Variants in CYFIP2 observed in about 807,000 individuals in gnomAD.
CYFIP2 encodes the protein cytoplasmic FMR1-interacting protein 2.
In CYFIP2, 29 loss-of-function variants were observed where a neutral mutation model predicts 158.7. The ratio of observed to expected loss-of-function variants is 0.18; its 90% confidence interval spans 0.14 to 0.25. The LOEUF is 0.25. Ranked by LOEUF, CYFIP2 falls within the 10% of genes least tolerant of loss-of-function variation. The probability of loss-of-function intolerance (pLI) is 1.00; values close to 1 mark genes in which losing one functional copy is unlikely to be tolerated. For synonymous variants in CYFIP2, 585 were observed against 617.6 expected (o/e 0.95, Z 0.78); for missense variants, 852 against 1,639.5 (o/e 0.52, Z 8.29).
chr5:157,282,812 G>A (rs1412565200), intron 1 of CYFIP2, among the ~76,000 whole-genome samples: 1 of 152,178 alleles, frequency 6.6e-6, no homozygotes, highest in Non-Finnish European at 1.5e-5. Flanking sequence ...GTGAGAAATG[G>A]TGTATCTCCT....
intron 1 of CYFIP2, among the ~76,000 whole-genome samples, chr5:157,281,972 A>G: frequency 6.6e-6 from 1 of 152,078 alleles, no homozygotes; most frequent in East Asian, 1.9e-4. Flanking sequence ...CCTGGAGATC[A>G]CCCGTAGTTG....
chr5:157,274,771 G>A (rs1756408836), intron 1 of CYFIP2, among the ~76,000 whole-genome samples: 2 of 152,182 alleles, frequency 1.3e-5, no homozygotes, highest in Admixed American at 6.5e-5. Flanking sequence ...CCTAGTGGGT[G>A]TGAAGTGGTA....
At chr5:157,379,794 G>T (rs925518871) in intron 26 of CYFIP2, among the ~76,000 whole-genome samples, 5 of 151,854 alleles carry the variant, frequency 3.3e-5, no homozygotes, top group African/African-American at 1.2e-4. Flanking sequence ...CGCCCAGCAG[G>T]TTCGCCTTGC....
intron 23 of CYFIP2, among the ~76,000 whole-genome samples, chr5:157,355,105 A>G (rs532849357): frequency 4.3e-4 from 66 of 152,214 alleles, no homozygotes; most frequent in African/African-American, 1.4e-3. Flanking sequence ...ACCCAGTACA[A>G]TCTGTTACTG....
chr5:157,339,164 G>A lies in CYFIP2; in HGVS notation c.2493G>A (p.Val831=). The A allele has an allele frequency of 6.2e-7, 1 of 1,614,026 alleles. No homozygotes were observed. Among genetic ancestry groups the A allele is most frequent in the Non-Finnish European group, 8.5e-7 (1 of 1,179,896 alleles). Reference sequence around the variant, plus strand: ...TGTTCCGAGAGGCCAATCACAATGTGTCCGCCCCCTATGGCCGTATCACCC... The same window carrying A: ...TGTTCCGAGAGGCCAATCACAATGTATCCGCCCCCTATGGCCGTATCACCC... ...DAMFREANHN[V]SAPYGRITLH... Residue 831 remains valine, a synonymous_variant, in exon 22 of 31, where the codon GTG becomes GTA. Transcript: ENST00000620254.
chr5:157,316,099 A>T (rs1262588828), intron 13 of CYFIP2, among the ~76,000 whole-genome samples: 5 of 152,068 alleles, frequency 3.3e-5, no homozygotes, highest in African/African-American at 1.2e-4. Flanking sequence ...TAAAAAAAAT[A>T]AATAAATAAA....
chr5:157,357,113 C>G (rs56187332), intron 23 of CYFIP2, among the ~76,000 whole-genome samples: 12 of 152,196 alleles, frequency 7.9e-5, no homozygotes, highest in African/African-American at 2.7e-4. Flanking sequence ...CCAGGCCTCC[C>G]AATATCTAGG....
In CYFIP2 at chr5:157,300,777, G is replaced by A; in HGVS notation, c.450G>A (p.Lys150=). The A allele has an allele frequency of 1.2e-6, 2 of 1,613,556 alleles. No individual in the cohort carries two copies. The highest frequency in any genetic ancestry group is 2.2e-5 in the East Asian group (1 of 44,872). Residue 150 remains lysine, a synonymous_variant, in exon 6 of 31, where the codon AAG becomes AAA. Coordinates refer to ENST00000620254, the MANE Select transcript of CYFIP2 (RefSeq NM_001037333.3). ...VKRLCHAERR[K]DFVSEAYLLT... Reference sequence around the variant, plus strand: ...GGCTGTGCCATGCCGAGCGCAGGAAGGACTTTGTCTCTGAGGCCTACCTCC... The same window carrying A: ...GGCTGTGCCATGCCGAGCGCAGGAAAGACTTTGTCTCTGAGGCCTACCTCC...
chr5:157,343,608 A>T (rs1418036961), intron 23 of CYFIP2: 20 of 1,289,704 alleles, frequency 1.6e-5, no homozygotes, highest in Non-Finnish European at 2.1e-5. Context: ...TCATAATCAT[A>T]GCCACCATTT....
intron 3 of CYFIP2, 53 bp downstream of exon 3, chr5:157,287,161 G>A: frequency 6.7e-7 from 1 of 1,502,224 alleles, no homozygotes; most frequent in Non-Finnish European, 9.2e-7. Context: ...GGCTGGCAGG[G>A]GCCGCGGGCA....
rs142289237 is a variant in CYFIP2 at position 157,318,077 on chromosome 5, C to T, written c.1357-1685C>T. ...TTTTAAAAAATCGGGTTTCTGTCTTCCTATTATGGAATTGTGAGAATTCAT... is the reference window on the plus strand; with the variant it reads ...TTTTAAAAAATCGGGTTTCTGTCTTTCTATTATGGAATTGTGAGAATTCAT... On this transcript the variant is annotated intron_variant, in intron 13 of 30. Coordinates refer to ENST00000620254, the MANE Select transcript of CYFIP2 (RefSeq NM_001037333.3). 2.4e-4 allele frequency among the ~76,000 whole-genome samples: 37 copies of T among 152,300 alleles called. No individual in the cohort carries two copies. In the East Asian group the frequency reaches 7.1e-3, roughly 29 times the overall value.
rs1158962416 is a variant in CYFIP2, at chr5:157,390,539, C to G, written c.3465C>G (p.Gly1155=). The G allele has an allele frequency of 6.5e-7, 1 of 1,538,040 alleles. No individual in the cohort carries two copies. The highest frequency in any genetic ancestry group is 1.4e-5 in the African/African-American group (1 of 72,754). ...CTCCCAGGCAGTGTTTCGGCGATGG[C>G]TTGAACTGGGCTGGTTGCTCCATCA... ...EFTAEQCFGD[G]LNWAGCSIIV... is the part of the protein sequence containing the mutation. The change falls in exon 30 of 31, where the codon GGC becomes GGG. Residue 1155 remains glycine (G), a synonymous_variant. Transcript: ENST00000620254.
intron 4 of CYFIP2, among the ~76,000 whole-genome samples, chr5:157,295,918 A>C (rs764312422): frequency 3.2e-4 from 48 of 152,242 alleles, no homozygotes; most frequent in Non-Finnish European, 4.6e-4. Flanking sequence ...TGAAAACTGC[A>C]GAGCAGGGGA....
At chr5:157,335,945 TG>T (rs1259666893) in intron 21 of CYFIP2, among the ~76,000 whole-genome samples, 2 of 152,282 alleles carry the variant, frequency 1.3e-5, no homozygotes, top group African/African-American at 4.8e-5. Flanking sequence ...TTCTTTTAGC[TG>T]GGAACAAAAT....
Position 157,281,059 on chromosome 5 carries a change from A to G in CYFIP2, c.-23-4280A>G, listed in dbSNP as rs115043947. 2.0e-3 allele frequency among the ~76,000 whole-genome samples: 298 copies of G among 152,234 alleles called. 3 individuals are homozygous for G. Among genetic ancestry groups the G allele is most frequent in the African/African-American group, 5.9e-3 (246 of 41,542 alleles). ...CCCATCTCTCTTTTCTATCTTTGCA[A>G]TTTATTTGTTAGAGGTCCTGAGTCA... On this transcript the variant is annotated intron_variant, in intron 1 of 30. Transcript: ENST00000620254.
At position 157,361,827 on chromosome 5, in the gene CYFIP2, C is replaced by T. The variant is rs1763853897; in HGVS notation, c.3039+229C>T. Among the ~76,000 whole-genome samples, 1 of 152,174 alleles carries T rather than the reference C, an allele frequency of 6.6e-6. No individual in the cohort carries two copies. On this transcript the variant is annotated intron_variant, in intron 26 of 30. Coordinates refer to ENST00000620254, the MANE Select transcript of CYFIP2 (RefSeq NM_001037333.3). This position sits in a 1 kb window ranked among gnomAD's most constrained non-coding sequence, Gnocchi z 4.4. Reference sequence around the variant, plus strand: ...CATTCCCTCATGTTATGGAACCAAACTGGGGTCCACCTGCCTGGCACAGTA... The same window carrying T: ...CATTCCCTCATGTTATGGAACCAAATTGGGGTCCACCTGCCTGGCACAGTA...
In CYFIP2 at chr5:157,393,045, GGA is replaced by G; in HGVS notation, c.*52_*53del. ...CTTATCTGGAGGAGGAAGAGAAGCA[GGA>G]GAGAGAAAGCCACAGCCAGCCTGCC... is the stretch of plus-strand genomic sequence containing the variant. On this transcript the variant is annotated 3_prime_UTR_variant, in exon 31 of 31. Transcript: ENST00000620254. The G allele has an allele frequency of 6.2e-7, 1 of 1,600,594 alleles. No homozygotes were observed. The highest frequency in any genetic ancestry group is 1.3e-5 in the African/African-American group (1 of 74,544).
intron 8 of CYFIP2, among the ~76,000 whole-genome samples, chr5:157,307,116 A>C (rs926845298): frequency 6.6e-6 from 1 of 152,200 alleles, no homozygotes. Flanking sequence ...ATGTCAACCT[A>C]CTCAGAGGGC....
Position 157,311,567 on chromosome 5 carries a change from G to T in CYFIP2, c.993-97G>T. On this transcript the variant is annotated intron_variant, in intron 10 of 30. Transcript: ENST00000620254. This position sits in a 1 kb window ranked among gnomAD's most constrained non-coding sequence, Gnocchi z 4.7. ...ATACCATTTGGTGTCACCCAGGGGAGTTGGCCACGTGGGCTGAGCACCAGG... is the reference window on the plus strand; with the variant it reads ...ATACCATTTGGTGTCACCCAGGGGATTTGGCCACGTGGGCTGAGCACCAGG... The T allele has an allele frequency of 9.2e-7, 1 of 1,083,034 alleles. No homozygotes were observed. The highest frequency in any genetic ancestry group is 1.3e-6 in the Non-Finnish European group (1 of 743,810). 67.1% of individuals were successfully genotyped at this position (1,083,034 alleles called of 1,614,324 possible).
Sources: gnomAD v4.1 joint callset for allele counts (sites outside exome capture counted in the v4.1 genomes callset) on GRCh38, gnomAD v4.1.1 for gene constraint, Gnocchi (gnomAD v3.1) non-coding constraint, MANE v1.5 for transcripts, NCBI Gene and HGNC (gene_info 2026-07-23, HGNC 2026-07-21) for gene names.